MVD: variants seen among roughly 807,000 people sequenced by gnomAD.
MVD encodes diphosphomevalonate decarboxylase.
In MVD, 52 loss-of-function variants were observed where a neutral mutation model predicts 42.4. The ratio of observed to expected loss-of-function variants is 1.23; its 90% CI spans 0.98 to 1.55. The LOEUF is 1.55. Ranked by LOEUF, MVD falls within the 40% of genes most tolerant of loss-of-function variation. The pLI is 0.00. For missense variants in MVD, 663 were observed against 572.1 expected (o/e 1.16, Z -1.62); for synonymous variants, 287 against 243.2 (o/e 1.18, Z -1.68).
At chr16:88,658,780 C>A in intron 1 of MVD, 60 bp from the exon 2 acceptor site, 1 of 1,124,402 alleles carries the variant, frequency 8.9e-7, no homozygotes, top group South Asian at 1.3e-5. Context: ...CCCCAGTGTT[C>A]CCCACAGGTG....
intron 4 of MVD, 35 bp from the exon 5 acceptor site, chr16:88,656,339 G>A (rs1008299138): frequency 7.5e-6 from 12 of 1,592,714 alleles, no homozygotes; most frequent in Non-Finnish European, 8.5e-7. Context: ...GGTCCTCAGA[G>A]CTGCCTGCGC....
intron 1 of MVD, 169 bp downstream of exon 1, chr16:88,662,842 C>T: frequency 1.4e-6 from 2 of 1,434,590 alleles, no homozygotes; most frequent in Admixed American, 3.0e-5. Context: ...CGCGAAGGAG[C>T]GCGCGGCCCC....
Position 88,657,474 on chromosome 16 carries a change from G to A in MVD, c.365C>T (p.Ala122Val), listed in dbSNP as rs752101138. The A allele has an allele frequency of 1.1e-5, 18 of 1,612,066 alleles. No individual in the cohort carries two copies. Among genetic ancestry groups the A allele is most frequent in the South Asian group, 8.8e-5 (8 of 90,980 alleles). ...VASVNNFPTA[A>V]GLASSAAGYA... ...GCCCGCCGCTGAGGAGGCCAGGCCC[G>A]CAGCCGTGGGGAAGTTGTTCACCGA... Residue 122 changes from alanine (A) to valine (V), a missense_variant, in exon 4 of 10, where the codon GCG becomes GTG. Physicochemically the swap from Ala to Val is moderately conservative, Grantham distance 64 (BLOSUM62 0). Transcript: ENST00000301012.
At chr16:88,658,906 G>A (rs1908116383) in intron 1 of MVD, 186 bp from the exon 2 acceptor site, 2 of 590,938 alleles carry the variant, frequency 3.4e-6, no homozygotes, top group Non-Finnish European at 6.2e-6. Flanking sequence ...ACCCCACTGA[G>A]CTCAGGCTCC....
intron 9 of MVD, among the ~76,000 whole-genome samples, chr16:88,652,899 G>A (rs929317809): frequency 1.3e-5 from 2 of 152,194 alleles, no homozygotes; most frequent in African/African-American, 4.8e-5. Flanking sequence ...CAATGGCTTG[G>A]GCGGCCGTGA....
intron 5 of MVD, 142 bp from the exon 6 acceptor site, chr16:88,655,872 C>G: frequency 8.6e-7 from 1 of 1,167,188 alleles, no homozygotes; most frequent in Non-Finnish European, 1.2e-6. Context: ...ACAGAGGCCT[C>G]CCGGCCACAG....
chr16:88,656,356 C>T (rs754411726), intron 4 of MVD, 52 bp from the exon 5 acceptor site: 1 of 1,574,138 alleles, frequency 6.4e-7, no homozygotes, highest in Non-Finnish European at 8.6e-7. Context: ...GCGCTGTGCT[C>T]CCTGACAGCT....
At chr16:88,656,479 C>A (rs899512883) in intron 4 of MVD, 175 bp from the exon 5 acceptor site, 13 of 671,266 alleles carry the variant, frequency 1.9e-5, no homozygotes, top group South Asian at 1.8e-4. Flanking sequence ...GTCTGTCCCC[C>A]ACCTCCGCTA....
At chr16:88,662,763 G>A in intron 1 of MVD, 2 of 1,483,276 alleles carry the variant, frequency 1.3e-6, no homozygotes, top group Non-Finnish European at 1.8e-6. Flanking sequence ...AATCGCTAAT[G>A]GGCAGGCGCC....
In MVD at chr16:88,652,413, G is replaced by T; in HGVS notation, c.*112C>A. 8.1e-7 allele frequency: 1 copy of T among 1,228,192 alleles called. No individual in the cohort carries two copies. The highest frequency in any genetic ancestry group is 1.2e-6 in the Non-Finnish European group (1 of 859,676). 76.1% of individuals were successfully genotyped at this position (1,228,192 alleles called of 1,614,324 possible). ...CACAGCAAGCTGCCCATGGGCCCGG[G>T]GTCAAGCCACCACCCACATGTCCCA... On this transcript the variant is annotated 3_prime_UTR_variant, in exon 10 of 10. Coordinates refer to ENST00000301012, the MANE Select transcript of MVD (RefSeq NM_002461.3).
At chr16:88,652,665 C>T (rs1907648334) in intron 9 of MVD, 60 bp from the exon 10 acceptor site, 1 of 1,467,956 alleles carries the variant, frequency 6.8e-7, no homozygotes, top group African/African-American at 1.4e-5. Context: ...CTGTGCCCAG[C>T]ATCTGTAGGG....
Position 88,658,633 on chromosome 16 carries a change from C to G in MVD, c.141+17G>C. 1 of 1,611,792 alleles carries G rather than the reference C, an allele frequency of 6.2e-7. No individual in the cohort carries two copies. On this transcript the variant is annotated intron_variant, in intron 2 of 9. Coordinates refer to ENST00000301012, the MANE Select transcript of MVD (RefSeq NM_002461.3). ...TGGAAATGGCACTGTGGTGTTTAGTCGTCAGTCCACACATACCTGGTCCTG... is the reference window on the plus strand; with the variant it reads ...TGGAAATGGCACTGTGGTGTTTAGTGGTCAGTCCACACATACCTGGTCCTG...
chr16:88,655,236 A>C lies in MVD; in HGVS notation c.860T>G (p.Leu287Arg). ...LNAISWRIIHLVHRFNAHHGD... is the reference protein window; with the variant it reads ...LNAISWRIIHRVHRFNAHHGD... ...GTGGTGGGCGTTGAAGCGGTGCACC[A>C]GGTGGATGATGCGCCAGGAGATGGC... Residue 287 changes from leucine to arginine, a missense_variant, in exon 7 of 10, where the codon CTG (leucine) becomes CGG (arginine). Physicochemically the swap from Leu to Arg is moderately radical, Grantham distance 102 (BLOSUM62 -2). Transcript: ENST00000301012. 6.3e-7 allele frequency: 1 copy of C among 1,580,672 alleles called. No individual in the cohort carries two copies. Among genetic ancestry groups the C allele is most frequent in the Non-Finnish European group, 8.6e-7 (1 of 1,163,548 alleles).
intron 1 of MVD, among the ~76,000 whole-genome samples, chr16:88,660,254 C>T (rs1039247092): frequency 6.6e-6 from 1 of 152,180 alleles, no homozygotes; most frequent in African/African-American, 2.4e-5. Flanking sequence ...CCAGCACCCC[C>T]TCCTCCACCA....
In MVD at chr16:88,653,326, C is replaced by A; in HGVS notation, c.1096G>T (p.Gly366Trp). ...AALAMEPTPGGVKYIIVTQVG... is the reference protein window; with the variant it reads ...AALAMEPTPGWVKYIIVTQVG... Reference sequence around the variant, plus strand: ...TGAGTGACAATGATGTATTTGACCCCACCGGGGGTCGGCTCCATGGCCAGC... The same window carrying A: ...TGAGTGACAATGATGTATTTGACCCAACCGGGGGTCGGCTCCATGGCCAGC... Residue 366 changes from glycine to tryptophan, a missense_variant, in exon 9 of 10, where the codon GGG becomes TGG. Physicochemically the swap from Gly to Trp is radical, Grantham distance 184. Transcript: ENST00000301012. The A allele has an allele frequency of 6.2e-7, 1 of 1,600,790 alleles. No individual in the cohort carries two copies. Among genetic ancestry groups the A allele is most frequent in the Admixed American group, 1.8e-5 (1 of 55,482 alleles).
At chr16:88,654,864 C>T in intron 7 of MVD, 57 bp from the exon 8 acceptor site, 1 of 1,483,156 alleles carries the variant, frequency 6.7e-7, no homozygotes, top group South Asian at 1.4e-5. Flanking sequence ...CTTGTCTCCC[C>T]AACCCTCTGG....
rs569320748 is a variant in MVD at position 88,656,143 on chromosome 16, C to T, written c.565G>A (p.Glu189Lys). 87 of 1,601,926 alleles carry T rather than the reference C, an allele frequency of 5.4e-5. No individual in the cohort carries two copies. Among genetic ancestry groups the T allele is most frequent in the Non-Finnish European group, 7.0e-5 (83 of 1,179,912 alleles). Residue 189 changes from glutamate to lysine, a missense_variant, in exon 5 of 10, where the codon GAG (glutamate) becomes AAG (lysine). By Grantham distance (56) the Glu-to-Lys change is moderately conservative (BLOSUM62 1). Transcript: ENST00000301012. ...ACGCGGAGTTCAGGCCAGTGTGACT[C>T]GGGGGCCACTTGCCGAGCGATGCTG... is the stretch of plus-strand genomic sequence containing the variant. ...KDSIARQVAP[E>K]SHWPELRVLI...
At chr16:88,654,981 G>T in intron 7 of MVD, 174 bp from the exon 8 acceptor site, 1 of 847,492 alleles carries the variant, frequency 1.2e-6, no homozygotes. Flanking sequence ...GTCTGCCTGT[G>T]AACCCAGGAA....
In MVD at chr16:88,652,363, G is replaced by T; in HGVS notation, c.*162C>A. ...CGGGGACCTCTCCTGACACCTGGGC[G>T]GCCGCAGGACTCCCTGCACTGCCCC... On this transcript the variant is annotated 3_prime_UTR_variant, in exon 10 of 10. Coordinates refer to ENST00000301012, the MANE Select transcript of MVD (RefSeq NM_002461.3). The T allele has an allele frequency of 2.7e-6, 2 of 746,544 alleles. No individual in the cohort carries two copies. Among genetic ancestry groups the T allele is most frequent in the Non-Finnish European group, 4.6e-6 (2 of 437,500 alleles). 46.2% of individuals were successfully genotyped at this position (746,544 alleles called of 1,614,324 possible). A position where few individuals can be genotyped will look rare whatever the true frequency, so the allele number is the denominator to read the frequency against.
Sources: allele counts gnomAD v4.1 joint callset (sites outside exome capture counted in the v4.1 genomes callset), GRCh38; gene constraint gnomAD v4.1.1; transcripts MANE v1.5; gene names NCBI Gene and HGNC (gene_info 2026-07-23, HGNC 2026-07-21).